FAM78B: variants seen among roughly 807,000 people sequenced by gnomAD.
FAM78B encodes protein FAM78B.
Under a neutral mutation model 20.0 loss-of-function variants are expected in FAM78B, and 10 were observed. The ratio of observed to expected loss-of-function variants is 0.50; its 90% CI spans 0.31 to 0.85. The LOEUF is 0.85. Ranked by LOEUF, FAM78B falls within the 40% of genes least tolerant of loss-of-function variation. The pLI is 0.05. For synonymous variants in FAM78B, 135 were observed against 132.8 expected (o/e 1.02, Z -0.12); for missense variants, 283 against 345.0 (o/e 0.82, Z 1.42).
chr1:166,078,889 T>C (rs1652446343), intron 1 of FAM78B, among the ~76,000 whole-genome samples: 1 of 151,176 alleles, frequency 6.6e-6, no homozygotes, highest in South Asian at 2.1e-4. Flanking sequence ...GTACTACCCT[T>C]AGACCCAGGT....
At chr1:166,112,102 T>C (rs1397541169) in intron 1 of FAM78B, among the ~76,000 whole-genome samples, 3 of 152,246 alleles carry the variant, frequency 2.0e-5, no homozygotes, top group Non-Finnish European at 4.4e-5. Context: ...TGCCCCTGCC[T>C]AAATTCTTGG....
chr1:166,154,555 C>G (rs1042348711), intron 1 of FAM78B, among the ~76,000 whole-genome samples: 1 of 152,262 alleles, frequency 6.6e-6, no homozygotes, highest in Non-Finnish European at 1.5e-5. Context: ...GGGATGGATT[C>G]TTCCTGCACC....
At chr1:166,159,511 C>T (rs1361860239) in intron 1 of FAM78B, among the ~76,000 whole-genome samples, 2 of 152,198 alleles carry the variant, frequency 1.3e-5, no homozygotes, top group Admixed American at 6.5e-5. Flanking sequence ...CCAGACTTTG[C>T]ATTTCCCTTT....
chr1:166,082,157 C>T (rs111296531), intron 1 of FAM78B, among the ~76,000 whole-genome samples: 72 of 152,302 alleles, frequency 4.7e-4, no homozygotes, highest in African/African-American at 1.7e-3. Flanking sequence ...TTTTCTACTG[C>T]ACCCAGATGT....
At chr1:166,084,121 C>T (rs1049519871) in intron 1 of FAM78B, among the ~76,000 whole-genome samples, 1 of 151,766 alleles carries the variant, frequency 6.6e-6, no homozygotes, top group Admixed American at 6.6e-5. Flanking sequence ...CGCACATCCA[C>T]AGATAGTATT....
At chr1:166,117,801 G>C (rs1317461434) in intron 1 of FAM78B, among the ~76,000 whole-genome samples, 1 of 152,160 alleles carries the variant, frequency 6.6e-6, no homozygotes, top group Non-Finnish European at 1.5e-5. Context: ...GGGCTTCTGG[G>C]TGTCTGGGAA....
intron 1 of FAM78B, 73 bp downstream of exon 1, chr1:166,165,913 G>A (rs1360044312): frequency 1.3e-6 from 2 of 1,575,648 alleles, no homozygotes; most frequent in African/African-American, 1.3e-5. Flanking sequence ...AAGGAGCTGG[G>A]GAGGGGGGTC....
At chr1:166,109,904 A>ATATATATATATATATG (rs1653979854) in intron 1 of FAM78B, among the ~76,000 whole-genome samples, 2 of 81,262 alleles carry the variant, frequency 2.5e-5, no homozygotes, top group Admixed American at 1.5e-4. Flanking sequence ...ATATATATAT[A>ATATATATATATATATG]TATATATATA....
At chr1:166,138,085 T>G (rs1655137068) in intron 1 of FAM78B, among the ~76,000 whole-genome samples, 1 of 152,162 alleles carries the variant, frequency 6.6e-6, no homozygotes, top group Non-Finnish European at 1.5e-5. Context: ...TGAACTTGTG[T>G]TTGGAACCTG....
intron 1 of FAM78B, among the ~76,000 whole-genome samples, chr1:166,080,819 A>G (rs1421366329): frequency 6.6e-6 from 1 of 152,222 alleles, no homozygotes; most frequent in African/African-American, 2.4e-5. Context: ...AGGAGCTGGA[A>G]ATAACAGTGC....
chr1:166,069,291 A>C (rs1007622135), downstream of FAM78B, among the ~76,000 whole-genome samples: 1 of 96,506 alleles, frequency 1.0e-5, no homozygotes, highest in Admixed American at 1.1e-4. Flanking sequence ...TCAGAAACTC[A>C]AAAGAAACAG....
chr1:166,132,846 CA>C (rs1012989170), intron 1 of FAM78B, among the ~76,000 whole-genome samples: 3 of 152,114 alleles, frequency 2.0e-5, no homozygotes, highest in African/African-American at 7.2e-5. Flanking sequence ...GTTACAGTAC[CA>C]GCTTATGAGT....
chr1:166,103,724 C>A (rs929645231), intron 1 of FAM78B, among the ~76,000 whole-genome samples: 3 of 151,920 alleles, frequency 2.0e-5, no homozygotes, highest in African/African-American at 7.3e-5. Context: ...GCTTACAAAC[C>A]AAAAAAAGTC....
intron 2 of FAM78B, chr1:166,060,792 A>G (rs1354181939): frequency 2.4e-6 from 1 of 409,550 alleles, no homozygotes; most frequent in African/African-American, 2.1e-5. Flanking sequence ...GATGACCCTG[A>G]AATTTTACAA....
chr1:166,089,175 C>A (rs73023473), intron 1 of FAM78B, among the ~76,000 whole-genome samples: 5 of 152,342 alleles, frequency 3.3e-5, no homozygotes, highest in African/African-American at 1.2e-4. Context: ...CCACCTCCTC[C>A]CACGCTGAAC....
intron 1 of FAM78B, among the ~76,000 whole-genome samples, chr1:166,148,501 G>A (rs905942280): frequency 2.6e-5 from 4 of 152,234 alleles, no homozygotes; most frequent in South Asian, 4.1e-4. Context: ...GTGAAACAGA[G>A]ATAATGTGAA....
chr1:166,128,231 C>T (rs1357956434), intron 1 of FAM78B, among the ~76,000 whole-genome samples: 2 of 137,532 alleles, frequency 1.5e-5, no homozygotes, highest in South Asian at 4.8e-4. Flanking sequence ...TCATTTTATA[C>T]TTTCCTCATT....
intron 1 of FAM78B, among the ~76,000 whole-genome samples, chr1:166,145,448 C>G (rs1655420956): frequency 6.6e-6 from 1 of 152,198 alleles, no homozygotes; most frequent in African/African-American, 2.4e-5. Flanking sequence ...TTTGCCCATG[C>G]TTTCAAAGGG....
intron 1 of FAM78B, among the ~76,000 whole-genome samples, chr1:166,145,178 TTC>T (rs1267806017): frequency 6.6e-5 from 10 of 152,348 alleles, no homozygotes; most frequent in African/African-American, 2.4e-4. Context: ...CCCTCTCAGC[TTC>T]TGATATCCAC....
Sources: allele counts gnomAD v4.1 joint callset (sites outside exome capture counted in the v4.1 genomes callset), GRCh38; gene constraint gnomAD v4.1.1; transcripts MANE v1.5; gene names NCBI Gene and HGNC (gene_info 2026-07-23, HGNC 2026-07-21).